Variants in CLIP1 observed in about 807,000 individuals in gnomAD.
CLIP1 encodes the protein CAP-Gly domain-containing linker protein 1.
CLIP1 carries 66 observed loss-of-function variants against 161.6 expected under a neutral mutation model. The ratio of observed to expected loss-of-function variants is 0.41; its 90% CI spans 0.33 to 0.50. The LOEUF is 0.50. Among genes scored for constraint, CLIP1 ranks in the 20% least tolerant of loss-of-function variants. The pLI is 0.27. For synonymous variants in CLIP1, 598 were observed against 626.2 expected (o/e 0.96, Z 0.67); for missense variants, 1,376 against 1,702.0 (o/e 0.81, Z 3.37).
At chr12:122,367,093 T>C (rs1954210448) in intron 3 of CLIP1, among the ~76,000 whole-genome samples, 1 of 152,184 alleles carries the variant, frequency 6.6e-6, no homozygotes, top group Non-Finnish European at 1.5e-5. Flanking sequence ...GTTAAATTCT[T>C]TGGGGATGAG....
intron 21 of CLIP1, among the ~76,000 whole-genome samples, chr12:122,281,800 A>C (rs1955660253): frequency 6.6e-6 from 1 of 152,086 alleles, no homozygotes; most frequent in South Asian, 2.1e-4. Context: ...CCAGAGCTTC[A>C]CTTGCTATAA....
At chr12:122,309,703 G>C in intron 20 of CLIP1, 59 bp downstream of exon 20, 1 of 1,603,840 alleles carries the variant, frequency 6.2e-7, no homozygotes, top group Non-Finnish European at 8.5e-7. Flanking sequence ...TGAGCGTGCT[G>C]CCAACAGCAG....
At chr12:122,314,155 G>C (rs1027945725) in intron 19 of CLIP1, among the ~76,000 whole-genome samples, 2 of 152,082 alleles carry the variant, frequency 1.3e-5, no homozygotes, top group African/African-American at 4.8e-5. Flanking sequence ...GATGGGTGTG[G>C]TGGCAGGCAT....
chr12:122,331,036 C>T lies in CLIP1; in HGVS notation c.2867+1951G>A, dbSNP rs572908179. ...TTATTTATTTATTTTTTTTTTGAGACGGAGTTTCACTCTTGTTGCCCAGGC... is the reference window on the plus strand; with the variant it reads ...TTATTTATTTATTTTTTTTTTGAGATGGAGTTTCACTCTTGTTGCCCAGGC... On this transcript the variant is annotated intron_variant, in intron 15 of 25. Coordinates refer to ENST00000620786, the MANE Select transcript of CLIP1 (RefSeq NM_001247997.2). 6.6e-5 allele frequency among the ~76,000 whole-genome samples: 10 copies of T among 150,750 alleles called. No individual in the cohort carries two copies. The South Asian group carries it at 8.4e-4, about 13-fold the overall frequency.
chr12:122,303,265 C>A (rs960596612), intron 20 of CLIP1, among the ~76,000 whole-genome samples: 1 of 152,086 alleles, frequency 6.6e-6, no homozygotes, highest in African/African-American at 2.4e-5. Flanking sequence ...CTTCTCTTGG[C>A]CTGAATTCCT....
chr12:122,284,869 A>C (rs1955787946), intron 21 of CLIP1, among the ~76,000 whole-genome samples: 1 of 152,166 alleles, frequency 6.6e-6, no homozygotes, highest in African/African-American at 2.4e-5. Context: ...TTTAGCCTAC[A>C]CCTGTCTTTT....
At chr12:122,333,341 G>A (rs1452745422) in intron 14 of CLIP1, among the ~76,000 whole-genome samples, 198 bp from the exon 15 acceptor site, 3 of 152,166 alleles carry the variant, frequency 2.0e-5, no homozygotes, top group African/African-American at 7.2e-5. Flanking sequence ...CTAAGAGGAA[G>A]GAAAATAAAT....
chr12:122,380,372 C>T lies in CLIP1; in HGVS notation c.81G>A (p.Thr27=), dbSNP rs138117323. 1.2e-4 allele frequency: 187 copies of T among 1,609,778 alleles called. No homozygotes were observed. The Middle Eastern group carries it at 1.8e-3, about 16-fold the overall frequency. Residue 27 remains threonine (T), a synonymous_variant, in exon 2 of 26, where the codon ACG becomes ACA. Coordinates refer to ENST00000620786, the MANE Select transcript of CLIP1 (RefSeq NM_001247997.2). The part of the protein sequence containing the change: ...KPGSTALKTP[T]AVVAPVEKTI... ...AGGAAAAGCGTAAAGTATTACCAGCCGTAGGTGTCTTCAGAGCTGTGCTTC... is the reference window on the plus strand; with the variant it reads ...AGGAAAAGCGTAAAGTATTACCAGCTGTAGGTGTCTTCAGAGCTGTGCTTC...
At position 122,328,318 on chromosome 12, in the gene CLIP1, T is replaced by A; in HGVS notation, c.2976A>T (p.Glu992Asp). Residue 992 changes from glutamate to aspartate, a missense_variant, in exon 16 of 26, where the codon GAA (glutamate) becomes GAT (aspartate). Physicochemically the swap from Glu to Asp is conservative, Grantham distance 45. Coordinates refer to ENST00000620786, the MANE Select transcript of CLIP1 (RefSeq NM_001247997.2). ...MTVKAEQSQQ[E>D]AAKKHEEEKK... is the part of the protein sequence containing the mutation. ...TTTCTTCCTCATGCTTTTTAGCTGC[T>A]TCTTGCTGGCTCTGTTCAGCTTTGA... 6.2e-7 allele frequency: 1 copy of A among 1,614,210 alleles called. No individual in the cohort carries two copies. Among genetic ancestry groups the A allele is most frequent in the South Asian group, 1.1e-5 (1 of 91,078 alleles).
intron 1 of CLIP1, among the ~76,000 whole-genome samples, chr12:122,382,386 G>A (rs1469069307): frequency 2.6e-5 from 4 of 151,678 alleles, no homozygotes; most frequent in South Asian, 2.1e-4. Flanking sequence ...TTAGCCAGGC[G>A]TTGTGGCGCG....
At chr12:122,404,321 G>T (rs998998312) in intron 1 of CLIP1, among the ~76,000 whole-genome samples, 1 of 152,222 alleles carries the variant, frequency 6.6e-6, no homozygotes, top group African/African-American at 2.4e-5. Context: ...AATAGGCCGG[G>T]TGCAGTGGCT....
At chr12:122,276,776 T>C (rs1004779969) in intron 24 of CLIP1, 1 of 213,394 alleles carries the variant, frequency 4.7e-6, no homozygotes, top group East Asian at 1.3e-4. Context: ...AAGTACAGAA[T>C]AGTTTGCCTT....
intron 1 of CLIP1, among the ~76,000 whole-genome samples, chr12:122,392,537 G>A (rs1215071973): frequency 6.6e-6 from 1 of 152,048 alleles, no homozygotes. Context: ...GTTTGGTGGT[G>A]AAGTTAGTGC....
chr12:122,292,935 G>A (rs1479193145), intron 20 of CLIP1, among the ~76,000 whole-genome samples: 6 of 148,438 alleles, frequency 4.0e-5, no homozygotes, highest in Non-Finnish European at 7.4e-5. Flanking sequence ...CCCGGGAGGC[G>A]GAGCTTGCAG....
intron 1 of CLIP1, among the ~76,000 whole-genome samples, chr12:122,401,814 C>T (rs1956152644): frequency 6.6e-6 from 1 of 151,876 alleles, no homozygotes; most frequent in South Asian, 2.1e-4. Flanking sequence ...GCCTGACAGA[C>T]ATGGTGAAGC....
chr12:122,355,087 C>G lies in CLIP1; in HGVS notation c.1203+28G>C. 6.2e-7 allele frequency: 1 copy of G among 1,605,898 alleles called. No individual in the cohort carries two copies. Among genetic ancestry groups the G allele is most frequent in the Non-Finnish European group, 8.5e-7 (1 of 1,174,072 alleles). On this transcript the variant is annotated intron_variant, in intron 6 of 25. Transcript: ENST00000620786. The surrounding 1 kb of genome is among the most constrained non-coding windows in gnomAD (Gnocchi z 4.1). ...CCTCAGTGGCTTTAGAAACCATCAC[C>G]ATCTCCGCAACAAGGTCCAGACTTC...
intron 13 of CLIP1, among the ~76,000 whole-genome samples, 176 bp from the exon 14 acceptor site, chr12:122,334,286 C>T (rs968725968): frequency 2.0e-5 from 3 of 152,222 alleles, no homozygotes; most frequent in African/African-American, 7.2e-5. Flanking sequence ...AGCAGGTCTG[C>T]CGCTGTCTCT....
chr12:122,336,975 T>C (rs78218575), intron 11 of CLIP1, among the ~76,000 whole-genome samples: 1 of 149,028 alleles, frequency 6.7e-6, no homozygotes, highest in African/African-American at 2.4e-5. Flanking sequence ...TTTTTTTTTT[T>C]CTCTTTCTTT....
At position 122,288,621 on chromosome 12, in the gene CLIP1, C is replaced by A. The variant is rs138501093; in HGVS notation, c.3595-80G>T. 1.4e-4 allele frequency: 171 copies of A among 1,228,344 alleles called. 1 individual carries two copies. In the East Asian group the frequency reaches 4.0e-3, roughly 29 times the overall value. 76.1% of individuals were successfully genotyped at this position (1,228,344 alleles called of 1,614,324 possible). ...TTTCTCATCCCACATGTACATCCCC[C>A]AGGCTCCAGGACAGCTAAAGCCATT... On this transcript the variant is annotated intron_variant, in intron 20 of 25. Coordinates refer to ENST00000620786, the MANE Select transcript of CLIP1 (RefSeq NM_001247997.2).
Sources: gnomAD v4.1 joint callset for allele counts (sites outside exome capture counted in the v4.1 genomes callset) on GRCh38, gnomAD v4.1.1 for gene constraint, Gnocchi (gnomAD v3.1) non-coding constraint, MANE v1.5 for transcripts, NCBI Gene and HGNC (gene_info 2026-07-23, HGNC 2026-07-21) for gene names.